Variants in RSPO1 observed in about 807,000 individuals in gnomAD.
RSPO1 encodes the protein R-spondin 1.
RSPO1 carries 18 observed loss-of-function variants against 26.0 expected under a neutral mutation model. The ratio of observed to expected loss-of-function variants is 0.69; its 90% confidence interval spans 0.48 to 1.03. The LOEUF (loss-of-function observed/expected upper bound fraction) is 1.03, where lower values mean the gene tolerates loss of function less well. RSPO1 is among the 50% of genes least tolerant of loss of function. RSPO1 has a pLI of 0.00. For missense variants in RSPO1, 309 were observed against 352.3 expected, an observed-to-expected ratio of 0.88 and a Z score of 0.98; for synonymous variants, 133 against 137.4, an observed-to-expected ratio of 0.97 and a Z score of 0.22.
intron 3 of RSPO1, among the ~76,000 whole-genome samples, chr1:37,622,306 G>T (rs190293262): frequency 2.0e-3 from 299 of 152,328 alleles, no homozygotes; most frequent in Admixed American, 4.8e-3. Flanking sequence ...GGAGGCAGTT[G>T]TTCGGCAGTG....
chr1:37,633,935 C>T (rs1258738798), intron 1 of RSPO1, among the ~76,000 whole-genome samples: 3 of 152,210 alleles, frequency 2.0e-5, no homozygotes, highest in Non-Finnish European at 2.9e-5. Flanking sequence ...GTCTGAGAGG[C>T]CAGTTTCACA....
Position 37,613,666 on chromosome 1 carries a change from T to G in RSPO1, c.625+38A>C. ...GGCAGGACCTGTCATGGCTGGTGCC[T>G]GAGCCCTGACCCCAGGGAGGCAGAG... is the stretch of plus-strand genomic sequence containing the variant. On this transcript the variant is annotated intron_variant, in intron 6 of 6. Coordinates refer to ENST00000356545, the MANE Select transcript of RSPO1 (RefSeq NM_001242908.2). This position sits in a 1 kb window ranked among gnomAD's most constrained non-coding sequence, Gnocchi z 4.5. 6.4e-7 allele frequency: 1 copy of G among 1,562,172 alleles called. No individual in the cohort carries two copies.
intron 3 of RSPO1, among the ~76,000 whole-genome samples, chr1:37,624,706 C>T (rs2148176932): frequency 1.3e-5 from 2 of 152,316 alleles, no homozygotes; most frequent in African/African-American, 4.8e-5. Flanking sequence ...TTCACTTCTT[C>T]CAGTTCCCAA....
chr1:37,619,949 A>G (rs1644175419), intron 3 of RSPO1, among the ~76,000 whole-genome samples: 1 of 151,988 alleles, frequency 6.6e-6, no homozygotes. Flanking sequence ...GGGTTTCACC[A>G]TGTTGGTCAG....
chr1:37,630,605 A>T (rs1197900085), intron 2 of RSPO1, among the ~76,000 whole-genome samples: 1 of 152,198 alleles, frequency 6.6e-6, no homozygotes, highest in Non-Finnish European at 1.5e-5. Context: ...AATGGGGATA[A>T]TCCCCCAGCC....
At position 37,623,497 on chromosome 1, in the gene RSPO1, T is replaced by C. The variant is rs369551558; in HGVS notation, c.94+6071A>G. ...ATGTAGAGAGGCAGAGGGCACTCCC[T>C]GACCCAGAAGCCTAGGGGAGGAGGG... On this transcript the variant is annotated intron_variant, in intron 3 of 6. Coordinates refer to ENST00000356545, the MANE Select transcript of RSPO1 (RefSeq NM_001242908.2). 3.7e-4 allele frequency among the ~76,000 whole-genome samples: 57 copies of C among 152,174 alleles called. No individual in the cohort carries two copies. In the East Asian group the frequency reaches 4.5e-3, roughly 12 times the overall value.
intron 2 of RSPO1, among the ~76,000 whole-genome samples, chr1:37,631,462 G>A (rs11590920): frequency 0.04 from 6,130 of 152,262 alleles, 168 homozygotes; most frequent in Non-Finnish European, 0.062. Flanking sequence ...CTCACCCACA[G>A]ATTATAGATG....
At chr1:37,616,391 G>T in intron 4 of RSPO1, 93 bp downstream of exon 4, 2 of 1,209,092 alleles carry the variant, frequency 1.7e-6, no homozygotes, top group Non-Finnish European at 2.4e-6. Context: ...AGCCCCCTCT[G>T]CTCCTCTTGC....
Position 37,634,025 on chromosome 1 carries a change from C to A in RSPO1, c.-356+541G>T, listed in dbSNP as rs2148190737. 6.6e-6 allele frequency among the ~76,000 whole-genome samples: 1 copy of A among 152,306 alleles called. No individual in the cohort carries two copies. The highest frequency in any genetic ancestry group is 3.4e-3 in the Middle Eastern group (1 of 294). Reference sequence around the variant, plus strand: ...GAGTCCCGGGCGAACATAGCCCCCACCTCTCCCCAACTAAGCGATACCATC... The same window carrying A: ...GAGTCCCGGGCGAACATAGCCCCCAACTCTCCCCAACTAAGCGATACCATC... On this transcript the variant is annotated intron_variant, in intron 1 of 6. Coordinates refer to ENST00000356545, the MANE Select transcript of RSPO1 (RefSeq NM_001242908.2). The surrounding 1 kb of genome is among the most constrained non-coding windows in gnomAD (Gnocchi z 4.7).
chr1:37,629,578 C>T lies in RSPO1; in HGVS notation c.84G>A (p.Arg28=), dbSNP rs1393375435. 6.2e-7 allele frequency: 1 copy of T among 1,614,128 alleles called. No homozygotes were observed. The highest frequency in any genetic ancestry group is 8.5e-7 in the Non-Finnish European group (1 of 1,179,998). ...TISSRGIKGK[R]QRRISAEGSQ... is the part of the protein sequence containing the mutation. Reference sequence around the variant, plus strand: ...TGCTCCATTACTCACTCCGCCTCTGCCTTTTCCCCTTGATCCCCCGGCTGC... The same window carrying T: ...TGCTCCATTACTCACTCCGCCTCTGTCTTTTCCCCTTGATCCCCCGGCTGC... Residue 28 remains arginine (R), a synonymous_variant, in exon 3 of 7, where the codon AGG becomes AGA. Coordinates refer to ENST00000356545, the MANE Select transcript of RSPO1 (RefSeq NM_001242908.2).
intron 3 of RSPO1, among the ~76,000 whole-genome samples, chr1:37,624,319 G>T (rs1223315317): frequency 6.6e-6 from 1 of 152,194 alleles, no homozygotes. Flanking sequence ...CTGTTATGGG[G>T]GGTGTGCAGG....
At chr1:37,619,558 G>A (rs769626302) in intron 3 of RSPO1, among the ~76,000 whole-genome samples, 3 of 152,194 alleles carry the variant, frequency 2.0e-5, no homozygotes, top group Non-Finnish European at 4.4e-5. Context: ...CCGAAGGAAG[G>A]AAGATGATAA....
chr1:37,628,645 C>G (rs1374585265), intron 3 of RSPO1, among the ~76,000 whole-genome samples: 11 of 152,228 alleles, frequency 7.2e-5, no homozygotes. Flanking sequence ...AGTGGCCACC[C>G]CTACAGCACT....
chr1:37,630,593 A>T (rs1036880419), intron 2 of RSPO1, among the ~76,000 whole-genome samples: 1 of 152,230 alleles, frequency 6.6e-6, no homozygotes, highest in African/African-American at 2.4e-5. Flanking sequence ...AGAGACACAG[A>T]GAATGGGGAT....
In RSPO1 at chr1:37,611,947, T is replaced by C. The variant is rs1243576558; in HGVS notation, c.*808A>G. ...CTGTGACAACACTGCTGCCGGGCCATGCTCTGAGTAACAAGGATATAGACA... is the reference window on the plus strand; with the variant it reads ...CTGTGACAACACTGCTGCCGGGCCACGCTCTGAGTAACAAGGATATAGACA... On this transcript the variant is annotated 3_prime_UTR_variant, in exon 7 of 7. Coordinates refer to ENST00000356545, the MANE Select transcript of RSPO1 (RefSeq NM_001242908.2). The C allele has an allele frequency of 6.6e-6, 1 of 152,244 alleles. No homozygotes were observed. Among genetic ancestry groups the C allele is most frequent in the East Asian group, 1.9e-4 (1 of 5,196 alleles). 9.4% of individuals were successfully genotyped at this position (152,244 alleles called of 1,614,324 possible).
At chr1:37,615,065 G>A (rs747563350) in intron 4 of RSPO1, among the ~76,000 whole-genome samples, 7 of 152,274 alleles carry the variant, frequency 4.6e-5, no homozygotes, top group Non-Finnish European at 7.4e-5. Flanking sequence ...GAGTGCAGGC[G>A]GGGCTGACTT....
chr1:37,633,936 C>G (rs1352769546), intron 1 of RSPO1, among the ~76,000 whole-genome samples: 1 of 152,206 alleles, frequency 6.6e-6, no homozygotes, highest in South Asian at 2.1e-4. Flanking sequence ...TCTGAGAGGC[C>G]AGTTTCACAA....
intron 4 of RSPO1, 85 bp from the exon 5 acceptor site, chr1:37,614,418 G>A (rs980270871): frequency 3.8e-5 from 56 of 1,481,072 alleles, no homozygotes; most frequent in Non-Finnish European, 5.3e-5. Context: ...CCTCCCTTCT[G>A]TCCACACCCA....
Position 37,612,980 on chromosome 1 carries a change from T to G in RSPO1, c.626-59A>C, listed in dbSNP as rs562760972. The G allele has an allele frequency of 1.3e-4, 200 of 1,588,002 alleles. No homozygotes were observed. In the Admixed American group the frequency reaches 3.2e-3, roughly 26 times the overall value. On this transcript the variant is annotated intron_variant, in intron 6 of 6. Coordinates refer to ENST00000356545, the MANE Select transcript of RSPO1 (RefSeq NM_001242908.2). ...AGGATGTGCAGGGAGGCCCTGGGCA[T>G]GGCCACAGGCCCTAGGAGGGGAGTG...
Sources: gnomAD v4.1 joint callset for allele counts (sites outside exome capture counted in the v4.1 genomes callset) on GRCh38, gnomAD v4.1.1 for gene constraint, Gnocchi (gnomAD v3.1) non-coding constraint, MANE v1.5 for transcripts, NCBI Gene and HGNC (gene_info 2026-07-23, HGNC 2026-07-21) for gene names.